FAM107A: variants seen among roughly 807,000 people sequenced by gnomAD.
The protein encoded by FAM107A is actin-associated protein FAM107A.
FAM107A carries 19 observed loss-of-function variants against 13.7 expected under a neutral mutation model. The ratio of observed to expected loss-of-function variants is 1.38; its 90% CI spans 0.97 to 2.03. The LOEUF (loss-of-function observed/expected upper bound fraction) is 2.03, where lower values mean the gene tolerates loss of function less well. Among genes scored for constraint, FAM107A ranks in the 30% most tolerant of loss-of-function variants. The pLI is 0.00. For synonymous variants in FAM107A, 82 were observed against 74.5 expected (o/e 1.10, Z -0.52); for missense variants, 203 against 184.4 (o/e 1.10, Z -0.58).
intron 1 of FAM107A, chr3:58,609,005 C>T (rs949042040): frequency 2.6e-5 from 4 of 152,160 alleles, no homozygotes; most frequent in Non-Finnish European, 5.9e-5. Flanking sequence ...ACTCTTGGCT[C>T]TCAGAGGGGA....
chr3:58,596,589 G>C (rs1047646297), intron 1 of FAM107A, among the ~76,000 whole-genome samples: 1 of 151,558 alleles, frequency 6.6e-6, no homozygotes, highest in South Asian at 2.1e-4. Flanking sequence ...TGAGGCAGGA[G>C]AATCGCTTGA....
At chr3:58,579,890 T>C (rs1038938592), upstream of FAM107A, among the ~76,000 whole-genome samples, 3 of 152,230 alleles carry the variant, frequency 2.0e-5, no homozygotes, top group Non-Finnish European at 2.9e-5. Flanking sequence ...CCAACTTGTA[T>C]ACAAACCCAT....
At chr3:58,578,907 T>C (rs750220940), upstream of FAM107A, among the ~76,000 whole-genome samples, 9 of 152,330 alleles carry the variant, frequency 5.9e-5, no homozygotes, top group Non-Finnish European at 1.0e-4. Context: ...ATATTATTTG[T>C]TCATTTAACA....
intron 1 of FAM107A, chr3:58,586,778 T>C (rs2065610259): frequency 7.4e-7 from 1 of 1,354,466 alleles, no homozygotes; most frequent in Non-Finnish European, 9.6e-7. Flanking sequence ...AGCGGCGGAC[T>C]GGCCAGGGAC....
intron 1 of FAM107A, among the ~76,000 whole-genome samples, chr3:58,602,603 G>A (rs983815969): frequency 1.3e-5 from 2 of 152,190 alleles, no homozygotes; most frequent in Admixed American, 6.5e-5. Context: ...TCTATACAAT[G>A]TAACAGTCTG....
upstream of FAM107A, among the ~76,000 whole-genome samples, chr3:58,581,415 T>G (rs942559380): frequency 4.6e-5 from 7 of 152,216 alleles, no homozygotes; most frequent in East Asian, 1.9e-4. Context: ...TTTGCCCCCT[T>G]TCTCCAAGCC....
chr3:58,578,474 A>G (rs1283875264), upstream of FAM107A, among the ~76,000 whole-genome samples: 1 of 149,352 alleles, frequency 6.7e-6, no homozygotes, highest in Admixed American at 6.6e-5. Context: ...AGGCTGAGGC[A>G]GGAGAATTGC....
At chr3:58,592,984 C>T (rs1466967009) in intron 1 of FAM107A, among the ~76,000 whole-genome samples, 2 of 152,178 alleles carry the variant, frequency 1.3e-5, no homozygotes, top group Non-Finnish European at 2.9e-5. Context: ...CTTATAAAGA[C>T]ACCCTAGCTG....
chr3:58,571,788 T>G (rs2063686529), intron 1 of FAM107A, among the ~76,000 whole-genome samples: 2 of 152,222 alleles, frequency 1.3e-5, no homozygotes, highest in Admixed American at 1.3e-4. Flanking sequence ...CTCAGCTCTC[T>G]TCCTGTTCAG....
upstream of FAM107A, among the ~76,000 whole-genome samples, chr3:58,587,561 T>C (rs2065621756): frequency 6.6e-6 from 1 of 151,632 alleles, no homozygotes; most frequent in Admixed American, 6.6e-5. Context: ...CTATACAGTA[T>C]ACACTGGTAC....
chr3:58,612,975 C>T (rs1430326235), intron 1 of FAM107A, among the ~76,000 whole-genome samples: 4 of 152,066 alleles, frequency 2.6e-5, no homozygotes, highest in African/African-American at 9.7e-5. Context: ...TCCCACGCTG[C>T]AGGAATTGAC....
intron 1 of FAM107A, among the ~76,000 whole-genome samples, chr3:58,616,325 C>A (rs973148680): frequency 1.3e-5 from 2 of 152,018 alleles, no homozygotes; most frequent in Non-Finnish European, 2.9e-5. Context: ...GAATGTCCAC[C>A]AAGTACAGAG....
Position 58,620,567 on chromosome 3 carries a change from C to T in FAM107A, c.-70+6849G>A, listed in dbSNP as rs576307324. On this transcript the variant is annotated intron_variant, in intron 1 of 3. Transcript: ENST00000465970. ...CTAAGCTGGGCTTCCAGCCATAAGACAGGATGGGGAAAGTTTTAGTCTTGG... is the reference window on the plus strand; with the variant it reads ...CTAAGCTGGGCTTCCAGCCATAAGATAGGATGGGGAAAGTTTTAGTCTTGG... 4.6e-5 allele frequency among the ~76,000 whole-genome samples: 7 copies of T among 152,354 alleles called. No homozygotes were observed. In the South Asian group the frequency reaches 1.4e-3, roughly 32 times the overall value.
intron 1 of FAM107A, among the ~76,000 whole-genome samples, chr3:58,626,308 T>A (rs1462589426): frequency 6.6e-6 from 1 of 152,068 alleles, no homozygotes; most frequent in Non-Finnish European, 1.5e-5. Context: ...GACGCAGGGG[T>A]CCGCAGAGCA....
intron 1 of FAM107A, among the ~76,000 whole-genome samples, chr3:58,611,359 T>G (rs1325465142): frequency 6.6e-6 from 1 of 152,206 alleles, no homozygotes; most frequent in Admixed American, 6.5e-5. Flanking sequence ...GGCCCTGTAT[T>G]CCCAGAGAGG....
At chr3:58,580,411 ATTTTTTT>A (rs35805159), upstream of FAM107A, among the ~76,000 whole-genome samples, 4 of 89,034 alleles carry the variant, frequency 4.5e-5, no homozygotes, top group Non-Finnish European at 8.7e-5. Context: ...AGGAATCTGG[ATTTTTTT>A]TTTTTTTTTT....
At chr3:58,626,757 C>T (rs918228530) in intron 1 of FAM107A, among the ~76,000 whole-genome samples, 9 of 152,134 alleles carry the variant, frequency 5.9e-5, no homozygotes, top group Non-Finnish European at 1.2e-4. Flanking sequence ...TGGCTGCCCC[C>T]GAGTCTGTCC....
chr3:58,625,585 A>G (rs762468462), intron 1 of FAM107A, among the ~76,000 whole-genome samples: 5 of 152,148 alleles, frequency 3.3e-5, no homozygotes, highest in Non-Finnish European at 5.9e-5. Flanking sequence ...GTGCATGTAG[A>G]TGTTTCTCCT....
chr3:58,581,994 ATG>A (rs1365084120), upstream of FAM107A, among the ~76,000 whole-genome samples: 32 of 152,014 alleles, frequency 2.1e-4, no homozygotes, highest in East Asian at 5.4e-3. Flanking sequence ...GAGAGGGAGC[ATG>A]TGTGTGTGTG....
Sources: gnomAD v4.1 joint callset for allele counts (sites outside exome capture counted in the v4.1 genomes callset) on GRCh38, gnomAD v4.1.1 for gene constraint, MANE v1.5 for transcripts, NCBI Gene and HGNC (gene_info 2026-07-23, HGNC 2026-07-21) for gene names.